CAVIN1: variants seen among roughly 807,000 people sequenced by gnomAD.
CAVIN1 encodes caveolae-associated protein 1.
CAVIN1 carries 16 observed loss-of-function variants against 24.0 expected under a neutral mutation model. The observed-to-expected ratio is 0.67, with a 90% CI of 0.45 to 1.01. The LOEUF (loss-of-function observed/expected upper bound fraction) is 1.01. Ranked by LOEUF, CAVIN1 falls within the 50% of genes least tolerant of loss-of-function variation. CAVIN1 has a pLI of 0.00. For synonymous variants in CAVIN1, 256 were observed against 256.4 expected (o/e 1.00, Z 0.02); for missense variants, 510 against 551.7 (o/e 0.92, Z 0.76).
At chr17:42,406,984 G>A (rs2085450206) in intron 1 of CAVIN1, among the ~76,000 whole-genome samples, 1 of 152,156 alleles carries the variant, frequency 6.6e-6, no homozygotes, top group African/African-American at 2.4e-5. Context: ...GGGTCTAGGA[G>A]TAGGATGGGT....
chr17:42,411,796 G>C (rs2085480465), intron 1 of CAVIN1: 1 of 985,278 alleles, frequency 1.0e-6, no homozygotes, highest in Non-Finnish European at 1.2e-6. Flanking sequence ...AAGTGTGGGG[G>C]AGCATTTACT....
Position 42,404,673 on chromosome 17 carries a change from G to A in CAVIN1, c.*14C>T. The A allele has an allele frequency of 1.4e-6, 2 of 1,413,444 alleles. No homozygotes were observed. The highest frequency in any genetic ancestry group is 1.9e-6 in the Non-Finnish European group (2 of 1,079,434). 87.6% of individuals were successfully genotyped at this position (1,413,444 alleles called of 1,614,324 possible). On this transcript the variant is annotated 3_prime_UTR_variant, in exon 2 of 2. Coordinates refer to ENST00000357037, the MANE Select transcript of CAVIN1 (RefSeq NM_012232.6). ...GAAGGAGCGAGGAATGGGGTGGGTG[G>A]CAGCGGGGGCGGCTCAGTCGCTGTC...
chr17:42,418,508 G>T (rs2085526149), intron 1 of CAVIN1, among the ~76,000 whole-genome samples: 1 of 152,124 alleles, frequency 6.6e-6, no homozygotes, highest in African/African-American at 2.4e-5. Flanking sequence ...TGGGATTACA[G>T]GTGTGAGCCA....
intron 1 of CAVIN1, chr17:42,412,126 T>C: frequency 1.0e-6 from 1 of 985,296 alleles, no homozygotes. Flanking sequence ...CCTAGGCGTC[T>C]GGTCAAAAGG....
intron 1 of CAVIN1, among the ~76,000 whole-genome samples, chr17:42,421,612 C>T (rs1176703367): frequency 6.6e-6 from 1 of 152,100 alleles, no homozygotes; most frequent in African/African-American, 2.4e-5. Context: ...TGGAGAGGAG[C>T]AGCATAGAAA....
At chr17:42,405,524 A>G (rs909982999) in intron 1 of CAVIN1, 136 bp from the exon 2 acceptor site, 5 of 871,878 alleles carry the variant, frequency 5.7e-6, no homozygotes, top group Non-Finnish European at 7.5e-6. Flanking sequence ...CGGGCGCTCA[A>G]TAAATGTGTG....
chr17:42,423,083 C>T lies in CAVIN1; in HGVS notation c.15G>A (p.Thr5=), dbSNP rs527248646. MEDP[T]LYIVERPLPG... ...GAAGCGGCCGCTCGACAATATAGAG[C>T]GTGGGGTCCTCCATGGCTACCCGGA... is the stretch of plus-strand genomic sequence containing the variant. The change falls in exon 1 of 2, where the codon ACG becomes ACA. Residue 5 remains threonine, a synonymous_variant. Coordinates refer to ENST00000357037, the MANE Select transcript of CAVIN1 (RefSeq NM_012232.6). 6 of 1,587,878 alleles carry T rather than the reference C, an allele frequency of 3.8e-6. No homozygotes were observed. The East Asian group carries it at 1.1e-4, about 30-fold the overall frequency.
In CAVIN1 at chr17:42,404,689, A is replaced by G. The variant is rs1952539156; in HGVS notation, c.1171T>C (p.Ter391ArgextTer31). Residue 391 changes from the stop codon to arginine (R), a stop_lost, in exon 2 of 2, where the codon TGA (stop) becomes CGA (arginine). Transcript: ENST00000357037. Reference protein sequence around the residue: ...AVLVDKSDSD* With the variant: ...AVLVDKSDSDR ...GGGTGGGTGGCAGCGGGGGCGGCTC[A>G]GTCGCTGTCGCTCTTGTCCACCAGC... The G allele has an allele frequency of 1.4e-6, 2 of 1,458,396 alleles. No individual in the cohort carries two copies. The highest frequency in any genetic ancestry group is 1.8e-6 in the Non-Finnish European group (2 of 1,110,850). 90.3% of individuals were successfully genotyped at this position (1,458,396 alleles called of 1,614,324 possible).
In CAVIN1 at chr17:42,405,213, G is replaced by A. The variant is rs149017106; in HGVS notation, c.647C>T (p.Ser216Phe). ...GCTGCGCTTGATACGCTCTGCGCGG[G>A]ACTCCTCAATAACCTCCTCAACCTC... ...AVEVEEVIEE[S>F]RAERIKRSGL... The change falls in exon 2 of 2, where the codon TCC becomes TTC. Residue 216 changes from serine to phenylalanine, a missense_variant. Transcript: ENST00000357037. The A allele has an allele frequency of 1.6e-5, 26 of 1,613,832 alleles. No individual in the cohort carries two copies. The African/African-American group carries it at 2.8e-4, about 17-fold the overall frequency.
Position 42,404,165 on chromosome 17 carries a change from C to T in CAVIN1, c.*522G>A, listed in dbSNP as rs534002973. On this transcript the variant is annotated 3_prime_UTR_variant, in exon 2 of 2. Coordinates refer to ENST00000357037, the MANE Select transcript of CAVIN1 (RefSeq NM_012232.6). ...GGCTCATTCTGCTCTGTCTTCCCCA[C>T]TGCCTCAGTTTCCCCCAAAAGCTGC... 87 of 153,712 alleles carry T rather than the reference C, an allele frequency of 5.7e-4. No individual in the cohort carries two copies. Among genetic ancestry groups the T allele is most frequent in the Non-Finnish European group, 1.0e-3 (72 of 69,010 alleles). 9.5% of individuals were successfully genotyped at this position (153,712 alleles called of 1,614,324 possible).
intron 1 of CAVIN1, 93 bp downstream of exon 1, chr17:42,422,534 A>C: frequency 1.3e-6 from 1 of 761,118 alleles, no homozygotes; most frequent in Non-Finnish European, 1.9e-6. Flanking sequence ...GGAGGGGAGC[A>C]GCGCCACGGG....
At position 42,410,564 on chromosome 17, in the gene CAVIN1, T is replaced by C. The variant is rs560541450; in HGVS notation, c.472-5176A>G. On this transcript the variant is annotated intron_variant, in intron 1 of 1. Transcript: ENST00000357037. Reference sequence around the variant, plus strand: ...AAGAGCCACAGTACATAAACAGATATACAGTTTATCTATTGTTTTAACATT... The same window carrying C: ...AAGAGCCACAGTACATAAACAGATACACAGTTTATCTATTGTTTTAACATT... Among the ~76,000 whole-genome samples, 300 of 152,182 alleles carry C rather than the reference T, an allele frequency of 2.0e-3. 1 individual carries two copies. Among genetic ancestry groups the C allele is most frequent in the African/African-American group, 6.9e-3 (285 of 41,532 alleles).
chr17:42,413,217 G>A (rs2085490737), intron 1 of CAVIN1, among the ~76,000 whole-genome samples: 1 of 152,048 alleles, frequency 6.6e-6, no homozygotes. Flanking sequence ...ACAGGCATGA[G>A]CCACCATCAT....
intron 1 of CAVIN1, among the ~76,000 whole-genome samples, chr17:42,407,455 C>T (rs1481117621): frequency 1.3e-5 from 2 of 152,082 alleles, no homozygotes; most frequent in Non-Finnish European, 2.9e-5. Context: ...AATTCCTTCC[C>T]CAGCCCCCAA....
Position 42,405,172 on chromosome 17 carries a change from C to T in CAVIN1, c.688G>A (p.Asp230Asn), listed in dbSNP as rs1481200272. 2 of 1,613,084 alleles carry T rather than the reference C, an allele frequency of 1.2e-6. No homozygotes were observed. Among genetic ancestry groups the T allele is most frequent in the African/African-American group, 2.7e-5 (2 of 74,634 alleles). ...RIKRSGLRRV[D>N]DFKKAFSKEK... ...TTGGAGAAGGCCTTCTTGAAGTCGT[C>T]CACGCGCCGCAGGCCGCTGCGCTTG... Residue 230 changes from aspartate (D) to asparagine (N), a missense_variant, in exon 2 of 2, where the codon GAC (aspartate) becomes AAC (asparagine). By Grantham distance (23) the Asp-to-Asn change is conservative. Coordinates refer to ENST00000357037, the MANE Select transcript of CAVIN1 (RefSeq NM_012232.6).
At position 42,403,627 on chromosome 17, in the gene CAVIN1, CTTTT is replaced by C. The variant is rs542987976; in HGVS notation, c.*1056_*1059del. On this transcript the variant is annotated 3_prime_UTR_variant, in exon 2 of 2. Coordinates refer to ENST00000357037, the MANE Select transcript of CAVIN1 (RefSeq NM_012232.6). ...CCCATTTCCACCTTCTCCTATTTTC[CTTTT>C]TTTTCCTTCTGTTGAGATGGAGTCT... The C allele has an allele frequency of 6.6e-6, 1 of 152,556 alleles. No homozygotes were observed. The highest frequency in any genetic ancestry group is 2.4e-5 in the African/African-American group (1 of 41,442). The allele number at this position is 152,556 out of a possible 1,614,324, so 9.5% of individuals were successfully genotyped here.
In CAVIN1 at chr17:42,423,121, C is replaced by T. The variant is rs1352343564; in HGVS notation, c.-24G>A. 4 of 1,512,240 alleles carry T rather than the reference C, an allele frequency of 2.6e-6. No homozygotes were observed. The highest frequency in any genetic ancestry group is 2.1e-5 in the Admixed American group (1 of 47,546). The allele number at this position is 1,512,240 out of a possible 1,614,324, so 93.7% of individuals were successfully genotyped here. On this transcript the variant is annotated 5_prime_UTR_variant, in exon 1 of 2. Coordinates refer to ENST00000357037, the MANE Select transcript of CAVIN1 (RefSeq NM_012232.6). ...ATGGCTACCCGGAGCCGTGCGGGAC[C>T]GGCCGGGTGGGGCTGGAGCTGGAGC...
chr17:42,416,629 A>G (rs1283147989), intron 1 of CAVIN1, among the ~76,000 whole-genome samples: 7 of 149,540 alleles, frequency 4.7e-5, no homozygotes, highest in African/African-American at 1.7e-4. Context: ...GGGAGGGAGG[A>G]ACCCAGGGAT....
intron 1 of CAVIN1, chr17:42,411,551 T>C: frequency 1.0e-6 from 1 of 985,342 alleles, no homozygotes; most frequent in Middle Eastern, 5.2e-4. Context: ...ACATAAGCGA[T>C]CTCTTTGCAA....
Sources: gnomAD v4.1 joint callset for allele counts (sites outside exome capture counted in the v4.1 genomes callset) on GRCh38, gnomAD v4.1.1 for gene constraint, MANE v1.5 for transcripts, NCBI Gene and HGNC (gene_info 2026-07-23, HGNC 2026-07-21) for gene names.